Variants in DUSP22 observed in about 807,000 individuals in gnomAD.
The protein encoded by DUSP22 is dual specificity phosphatase 22.
DUSP22 carries 24 observed loss-of-function variants against 24.5 expected under a neutral mutation model. The observed-to-expected ratio is 0.98, with a 90% CI of 0.71 to 1.38. The LOEUF is 1.38. Ranked by LOEUF, DUSP22 falls within the 40% of genes most tolerant of loss-of-function variation. DUSP22 has a pLI of 0.00. For missense variants in DUSP22, 330 were observed against 269.2 expected (o/e 1.23, Z -1.58); for synonymous variants, 160 against 106.4 (o/e 1.50, Z -3.10).
chr6:302,462 C>T (rs1261424657), intron 1 of DUSP22, among the ~76,000 whole-genome samples: 1 of 152,298 alleles, frequency 6.6e-6, no homozygotes. Flanking sequence ...CCCTGTCTGC[C>T]CACTGCTCTT....
At chr6:313,453 T>C (rs1023205478) in intron 3 of DUSP22, among the ~76,000 whole-genome samples, 1 of 152,306 alleles carries the variant, frequency 6.6e-6, no homozygotes, top group Non-Finnish European at 1.5e-5. Flanking sequence ...GTAACCCAGG[T>C]ATAAAGAGCC....
intron 3 of DUSP22, among the ~76,000 whole-genome samples, chr6:327,507 C>CA (rs1758935074): frequency 6.6e-6 from 1 of 152,308 alleles, no homozygotes; most frequent in South Asian, 2.1e-4. Context: ...GAACCGTTTA[C>CA]AGGAGAGAGG....
Position 316,533 on chromosome 6 carries a change from G to A in DUSP22, c.138+4571G>A, listed in dbSNP as rs568421934. ...CTGATGGCTCCAGGTTTGAGGGCTG[G>A]TGAAAACTCCTATTGCAAAGACAGT... On this transcript the variant is annotated intron_variant, in intron 3 of 6. Transcript: ENST00000419235. Among the ~76,000 whole-genome samples, 5 of 152,426 alleles carry A rather than the reference G, an allele frequency of 3.3e-5. No individual in the cohort carries two copies. In the East Asian group the frequency reaches 9.6e-4, roughly 29 times the overall value.
chr6:311,975 C>A lies in DUSP22; in HGVS notation c.138+13C>A. ...GCCTATGTTGGAGGTAAGAGAGCAC[C>A]GTGGGGCGTGTGTGGGTGTCCTCAT... On this transcript the variant is annotated intron_variant, in intron 3 of 6. Transcript: ENST00000419235. The A allele has an allele frequency of 6.2e-7, 1 of 1,607,496 alleles. No homozygotes were observed. Among genetic ancestry groups the A allele is most frequent in the South Asian group, 1.1e-5 (1 of 90,238 alleles).
intron 3 of DUSP22, among the ~76,000 whole-genome samples, chr6:314,502 G>C (rs1307884670): frequency 6.6e-6 from 1 of 152,308 alleles, no homozygotes; most frequent in Non-Finnish European, 1.5e-5. Context: ...GGGTTACTTA[G>C]CATCAGTTAC....
intron 3 of DUSP22, among the ~76,000 whole-genome samples, chr6:331,008 C>G (rs1258871606): frequency 1.3e-5 from 2 of 152,312 alleles, no homozygotes; most frequent in Non-Finnish European, 2.9e-5. Context: ...TCCTGGTACT[C>G]ACTTCGTCAT....
Position 336,815 on chromosome 6 carries a change from G to A in DUSP22, c.188+1652G>A, listed in dbSNP as rs1182461132. ...TAGAGAACTTCCTTGGTTACTAGTC[G>A]TGTCAAGAAACAGAAGTGGTTGGAA... On this transcript the variant is annotated intron_variant, in intron 4 of 6. Coordinates refer to ENST00000419235, the MANE Select transcript of DUSP22 (RefSeq NM_001286555.3). 3.3e-5 allele frequency among the ~76,000 whole-genome samples: 5 copies of A among 152,304 alleles called. No homozygotes were observed. In the South Asian group the frequency reaches 8.3e-4, roughly 25 times the overall value.
Position 345,859 on chromosome 6 carries a change from G to C in DUSP22, c.194G>C (p.Arg65Thr). 6.2e-7 allele frequency: 1 copy of C among 1,614,220 alleles called. No homozygotes were observed. Residue 65 changes from arginine to threonine, a missense_variant, in exon 5 of 7, where the codon AGA (arginine) becomes ACA (threonine). By Grantham distance (71) the Arg-to-Thr change is moderately conservative. Coordinates refer to ENST00000419235, the MANE Select transcript of DUSP22 (RefSeq NM_001286555.3). ...CTCTTTTTTTCTTTTCCCAGGACAA[G>C]ACATTTCAAAGAAAGTATTAAATTC... ...AADSPSQNLTRHFKESIKFIH... is the reference protein window; with the variant it reads ...AADSPSQNLTTHFKESIKFIH...
intron 3 of DUSP22, among the ~76,000 whole-genome samples, chr6:334,402 T>C (rs1275727501): frequency 6.7e-6 from 1 of 148,368 alleles, no homozygotes; most frequent in Non-Finnish European, 1.5e-5. Flanking sequence ...AAACAGCCAT[T>C]TTTTTTTTTA....
chr6:332,080 G>T (rs1301624134), intron 3 of DUSP22, among the ~76,000 whole-genome samples: 2 of 152,308 alleles, frequency 1.3e-5, no homozygotes, highest in Non-Finnish European at 2.9e-5. Flanking sequence ...TGTGATCTTT[G>T]TGTTCATTGT....
At chr6:319,956 G>GCT (rs1448945731) in intron 3 of DUSP22, 3 of 152,378 alleles carry the variant, frequency 2.0e-5, no homozygotes, top group African/African-American at 7.2e-5. Context: ...TCTAGTAATC[G>GCT]CTCTTTCTTG....
chr6:310,040 A>C (rs906305319), intron 2 of DUSP22, among the ~76,000 whole-genome samples: 13 of 152,290 alleles, frequency 8.5e-5, no homozygotes, highest in African/African-American at 3.1e-4. Context: ...GGCTCACTGC[A>C]ACCTCCGCCT....
intron 3 of DUSP22, among the ~76,000 whole-genome samples, chr6:315,572 GGTT>G (rs1436706814): frequency 3.9e-5 from 6 of 152,418 alleles, no homozygotes; most frequent in Non-Finnish European, 5.9e-5. Flanking sequence ...CTTTGAAAAA[GGTT>G]GTGCTATTTG....
At chr6:333,035 C>T (rs576827380) in intron 3 of DUSP22, among the ~76,000 whole-genome samples, 18 of 152,416 alleles carry the variant, frequency 1.2e-4, no homozygotes, top group South Asian at 4.1e-4. Flanking sequence ...TTGGCCTCCA[C>T]GAAGGAAAGG....
rs1444759926 is a variant in DUSP22 at position 348,122 on chromosome 6, A to G, written c.283A>G (p.Ser95Gly). The G allele has an allele frequency of 6.2e-7, 1 of 1,614,280 alleles. No homozygotes were observed. Among genetic ancestry groups the G allele is most frequent in the Admixed American group, 1.7e-5 (1 of 60,036 alleles). ...LVHCLAGVSRSVTLVIAYIMT... is the reference protein window; with the variant it reads ...LVHCLAGVSRGVTLVIAYIMT... The stretch of plus-strand genomic sequence containing the variant: ...CCGCAGCCTGGCCGGGGTCTCCAGG[A>G]GCGTGACACTGGTGATCGCATACAT... Residue 95 changes from serine (S) to glycine (G), a missense_variant, in exon 6 of 7, where the codon AGC becomes GGC. Transcript: ENST00000419235.
intron 4 of DUSP22, among the ~76,000 whole-genome samples, chr6:340,548 C>T (rs1318612835): frequency 2.6e-5 from 4 of 152,308 alleles, no homozygotes; most frequent in Admixed American, 6.5e-5. Flanking sequence ...TAAGCAAAAA[C>T]ATACATATTT....
At chr6:299,558 G>A in intron 1 of DUSP22, among the ~76,000 whole-genome samples, 1 of 152,306 alleles carries the variant, frequency 6.6e-6, no homozygotes, top group East Asian at 1.9e-4. Context: ...ACTACAGAGA[G>A]GGATTGAGCA....
chr6:343,231 A>G (rs1353079669), intron 4 of DUSP22, among the ~76,000 whole-genome samples: 1 of 152,304 alleles, frequency 6.6e-6, no homozygotes, highest in Non-Finnish European at 1.5e-5. Context: ...GATATCAGCA[A>G]CTAGTTCAAC....
chr6:344,261 G>A (rs1014917819), intron 4 of DUSP22, among the ~76,000 whole-genome samples: 35 of 151,180 alleles, frequency 2.3e-4, no homozygotes, highest in African/African-American at 7.9e-4. Flanking sequence ...ATTAAGGCAC[G>A]CGTCATCATT....
Sources: allele counts gnomAD v4.1 joint callset (sites outside exome capture counted in the v4.1 genomes callset), GRCh38; gene constraint gnomAD v4.1.1; transcripts MANE v1.5; gene names NCBI Gene and HGNC (gene_info 2026-07-23, HGNC 2026-07-21).